The following CD101 variants were observed in gnomAD, a reference collection of about 807,000 sequenced individuals.
CD101 encodes the protein CD101 molecule, also known as immunoglobulin superfamily member 2.
Under a neutral mutation model 98.2 loss-of-function variants are expected in CD101, and 76 were observed. The observed-to-expected ratio is 0.77, with a 90% CI of 0.64 to 0.94. The LOEUF (loss-of-function observed/expected upper bound fraction) is 0.94. Ranked by LOEUF, CD101 falls within the 40% of genes least tolerant of loss-of-function variation. CD101 has a pLI of 0.00. For missense variants in CD101, 1,145 were observed against 1,218.8 expected (o/e 0.94, Z 0.90); for synonymous variants, 471 against 472.7 (o/e 1.00, Z 0.05).
chr1:117,020,567 T>G (rs1653518806), intron 6 of CD101, among the ~76,000 whole-genome samples: 1 of 152,028 alleles, frequency 6.6e-6, no homozygotes, highest in Non-Finnish European at 1.5e-5. Flanking sequence ...CAACCAAAAA[T>G]CTCACACTTG....
chr1:117,014,260 C>T (rs1267313529), intron 4 of CD101, among the ~76,000 whole-genome samples: 1 of 150,284 alleles, frequency 6.7e-6, no homozygotes, highest in Non-Finnish European at 1.5e-5. Flanking sequence ...AAAAGCTACA[C>T]TTTGTCCTCC....
chr1:117,031,500 G>A (rs1413081569), intron 8 of CD101, among the ~76,000 whole-genome samples: 5 of 152,212 alleles, frequency 3.3e-5, no homozygotes, highest in South Asian at 2.1e-4. Flanking sequence ...TCTGAGGACA[G>A]GGGGACTAGA....
chr1:117,014,511 G>C (rs1344684647), intron 4 of CD101, among the ~76,000 whole-genome samples: 1 of 152,170 alleles, frequency 6.6e-6, no homozygotes, highest in Non-Finnish European at 1.5e-5. Flanking sequence ...GCACGGAACT[G>C]AGGAAGCCAC....
At chr1:117,025,311 T>C (rs558325718) in intron 7 of CD101, among the ~76,000 whole-genome samples, 198 bp from the exon 8 acceptor site, 72 of 152,158 alleles carry the variant, frequency 4.7e-4, no homozygotes, top group African/African-American at 1.6e-3. Context: ...TGCAGTGAGC[T>C]GAGATCATGC....
In CD101 at chr1:117,025,628, T is replaced by C. The variant is rs1653868458; in HGVS notation, c.2548T>C (p.Trp850Arg). 1 of 1,614,104 alleles carries C rather than the reference T, an allele frequency of 6.2e-7. No homozygotes were observed. The change falls in exon 8 of 10, where the codon TGG becomes CGG. Residue 850 changes from tryptophan to arginine, a missense_variant. By Grantham distance (101) the Trp-to-Arg change is moderately radical. Transcript: ENST00000682167. ...GSSATLYSVM[W>R]YWNRENSGSK... Reference sequence around the variant, plus strand: ...CTCAGCCACTCTGTACTCTGTGATGTGGTACTGGAACAGAGAAAACTCTGG... The same window carrying C: ...CTCAGCCACTCTGTACTCTGTGATGCGGTACTGGAACAGAGAAAACTCTGG...
chr1:117,031,823 C>T (rs1654482984), intron 8 of CD101, among the ~76,000 whole-genome samples: 1 of 152,172 alleles, frequency 6.6e-6, no homozygotes, highest in Non-Finnish European at 1.5e-5. Flanking sequence ...TCAATAACAG[C>T]ACATTGAAGA....
chr1:117,002,199 A>G (rs1163252855), intron 1 of CD101, among the ~76,000 whole-genome samples: 1 of 152,202 alleles, frequency 6.6e-6, no homozygotes, highest in African/African-American at 2.4e-5. Context: ...TGTGTCCCAA[A>G]CTGAGAGGAG....
intron 4 of CD101, 92 bp from the exon 5 acceptor site, chr1:117,016,998 G>A: frequency 2.1e-6 from 3 of 1,418,522 alleles, no homozygotes; most frequent in Non-Finnish European, 2.9e-6. Flanking sequence ...TCACAAACTA[G>A]TCAAGTCCTA....
At position 117,010,567 on chromosome 1, in the gene CD101, A is replaced by G. The variant is rs1207885645; in HGVS notation, c.424+337A>G. Among the ~76,000 whole-genome samples the G allele has an allele frequency of 2.0e-5, 3 of 152,240 alleles. No homozygotes were observed. Among genetic ancestry groups the G allele is most frequent in the Admixed American group, 1.3e-4 (2 of 15,290 alleles). On this transcript the variant is annotated intron_variant, in intron 2 of 9. Coordinates refer to ENST00000682167, the MANE Select transcript of CD101 (RefSeq NM_001256106.3). This position sits in a 1 kb window ranked among gnomAD's most constrained non-coding sequence, Gnocchi z 5.2. ...TGTGTTGTCTCTGCTTGCAGGCAGA[A>G]CAGTAATTTGACAAGAAAGCTGGTA... is the stretch of plus-strand genomic sequence containing the variant.
chr1:117,029,203 G>T (rs970235253), intron 8 of CD101, among the ~76,000 whole-genome samples: 1 of 69,072 alleles, frequency 1.4e-5, no homozygotes, highest in Non-Finnish European at 2.7e-5. Context: ...AAGAAAGAAA[G>T]AAAAGAAAGA....
chr1:117,028,352 C>T (rs577814944), intron 8 of CD101, among the ~76,000 whole-genome samples: 2 of 152,230 alleles, frequency 1.3e-5, no homozygotes, highest in East Asian at 3.9e-4. Flanking sequence ...TGGACTCTAG[C>T]TTAGATGGAT....
chr1:117,031,071 A>G (rs747662480), intron 8 of CD101, among the ~76,000 whole-genome samples: 1 of 152,208 alleles, frequency 6.6e-6, no homozygotes, highest in African/African-American at 2.4e-5. Context: ...TAATCCAGAT[A>G]TGGGTGAGAG....
At chr1:117,009,776 A>T (rs775175729) in intron 1 of CD101, 74 bp from the exon 2 acceptor site, 141 of 1,451,062 alleles carry the variant, frequency 9.7e-5, no homozygotes, top group Non-Finnish European at 1.3e-4. Flanking sequence ...AATACAGGGA[A>T]ATACATAACG....
chr1:117,035,486 A>AT (rs1214077985), intron 9 of CD101, among the ~76,000 whole-genome samples: 1 of 151,410 alleles, frequency 6.6e-6, no homozygotes, highest in Non-Finnish European at 1.5e-5. Context: ...ATGTCAGCAC[A>AT]TTTGTTTCTT....
In CD101 at chr1:117,017,368, A is replaced by C. The variant is rs1653297573; in HGVS notation, c.1507A>C (p.Ile503Leu). 6.2e-6 allele frequency: 10 copies of C among 1,614,256 alleles called. No individual in the cohort carries two copies. The highest frequency in any genetic ancestry group is 8.5e-6 in the Non-Finnish European group (10 of 1,180,036). Residue 503 changes from isoleucine to leucine, a missense_variant, in exon 5 of 10, where the codon ATC becomes CTC. Ile to Leu is a conservative substitution (Grantham distance 5). Coordinates refer to ENST00000682167, the MANE Select transcript of CD101 (RefSeq NM_001256106.3). ...TFQLEITFTAITDSGTYECRV... is the reference protein window; with the variant it reads ...TFQLEITFTALTDSGTYECRV... ...CCAGCTGGAGATCACCTTCACTGCC[A>C]TCACAGACAGTGGCACATATGAGTG...
chr1:117,029,196 A>AGTAGATACGACTGAC (rs1654198690), intron 8 of CD101, among the ~76,000 whole-genome samples: 1 of 74,938 alleles, frequency 1.3e-5, no homozygotes. Context: ...AGAAAGAAAG[A>AGTAGATACGACTGAC]AAGAAAGAAA....
intron 4 of CD101, among the ~76,000 whole-genome samples, chr1:117,015,570 T>C (rs547645233): frequency 6.6e-6 from 1 of 152,368 alleles, no homozygotes; most frequent in East Asian, 1.9e-4. Flanking sequence ...CAGTCAAAGA[T>C]TGAACTCCTT....
At chr1:117,032,853 G>T (rs755666309) in intron 8 of CD101, 3 of 152,314 alleles carry the variant, frequency 2.0e-5, no homozygotes, top group Non-Finnish European at 2.9e-5. Flanking sequence ...CTGCTTGTGC[G>T]TGCTCTGCGT....
rs1380987940 is a variant in CD101, at chr1:117,010,416, T to C, written c.424+186T>C. 2.6e-5 allele frequency among the ~76,000 whole-genome samples: 4 copies of C among 152,198 alleles called. No homozygotes were observed. The highest frequency in any genetic ancestry group is 9.7e-5 in the African/African-American group (4 of 41,448). On this transcript the variant is annotated intron_variant, in intron 2 of 9. Transcript: ENST00000682167. This position sits in a 1 kb window ranked among gnomAD's most constrained non-coding sequence, Gnocchi z 5.2. Reference sequence around the variant, plus strand: ...ATCTCATATTCTCTAAAATTATCTGTTTCTTTTTCTCAATTATCTTTGCCA... The same window carrying C: ...ATCTCATATTCTCTAAAATTATCTGCTTCTTTTTCTCAATTATCTTTGCCA...
Sources: allele counts gnomAD v4.1 joint callset (sites outside exome capture counted in the v4.1 genomes callset), GRCh38; gene constraint gnomAD v4.1.1; non-coding constraint Gnocchi (gnomAD v3.1); transcripts MANE v1.5; gene names NCBI Gene and HGNC (gene_info 2026-07-23, HGNC 2026-07-21).